ITGB2: variants seen among roughly 807,000 people sequenced by gnomAD.
The protein encoded by ITGB2 is integrin beta-2.
In ITGB2, 56 loss-of-function variants were observed where a neutral mutation model predicts 86.8. The observed-to-expected ratio is 0.65, with a 90% CI of 0.52 to 0.81. ITGB2 has a LOEUF of 0.81. ITGB2 is among the 30% of genes least tolerant of loss of function. The pLI is 0.00. For synonymous variants in ITGB2, 457 were observed against 450.4 expected (o/e 1.01, Z -0.19); for missense variants, 948 against 1,061.2 (o/e 0.89, Z 1.48).
intron 14 of ITGB2, among the ~76,000 whole-genome samples, chr21:44,887,860 G>A (rs1316136475): frequency 1.3e-5 from 2 of 152,188 alleles, no homozygotes; most frequent in East Asian, 3.9e-4. Context: ...AGAGACCCCC[G>A]CCGCCTGCCT....
chr21:44,900,490 T>G lies in ITGB2; in HGVS notation c.742-15A>C, dbSNP rs199665785. On this transcript the variant is annotated splice_polypyrimidine_tract_variant and intron_variant, in intron 6 of 15. Transcript: ENST00000652462. ...CCGATTTCCTCCTGAGAAGAAGGCG[T>G]GGGGGGCAGGGTTACCTGCCTCAGT... 4 of 1,613,158 alleles carry G rather than the reference T, an allele frequency of 2.5e-6. No homozygotes were observed.
intron 3 of ITGB2, among the ~76,000 whole-genome samples, chr21:44,907,793 G>T (rs912587007): frequency 6.6e-6 from 1 of 152,216 alleles, no homozygotes; most frequent in Non-Finnish European, 1.5e-5. Flanking sequence ...GCCCCCAGAG[G>T]CTGGTGAGTC....
intron 1 of ITGB2, among the ~76,000 whole-genome samples, chr21:44,913,101 A>G (rs1305795538): frequency 7.6e-6 from 1 of 131,848 alleles, no homozygotes; most frequent in Non-Finnish European, 1.6e-5. Flanking sequence ...GGACTCCCCC[A>G]GGGTGCAGGG....
chr21:44,891,456 G>A (rs2083784080), intron 11 of ITGB2, among the ~76,000 whole-genome samples: 1 of 152,220 alleles, frequency 6.6e-6, no homozygotes, highest in African/African-American at 2.4e-5. Context: ...CCCACTCAAG[G>A]CCATGGGCAC....
At chr21:44,905,024 C>T (rs762879260) in intron 4 of ITGB2, among the ~76,000 whole-genome samples, 7 of 152,230 alleles carry the variant, frequency 4.6e-5, no homozygotes, top group Non-Finnish European at 7.3e-5. Flanking sequence ...CTTTGGGGGC[C>T]GTGCGGCGTC....
chr21:44,890,323 C>T lies in ITGB2; in HGVS notation c.1413-101G>A. 2.7e-6 allele frequency: 4 copies of T among 1,468,824 alleles called. No individual in the cohort carries two copies. In the South Asian group the frequency reaches 4.6e-5, roughly 17 times the overall value. The allele number at this position is 1,468,824 out of a possible 1,614,324, so 91.0% of individuals were successfully genotyped here. On this transcript the variant is annotated intron_variant, in intron 11 of 15. Transcript: ENST00000652462. The stretch of plus-strand genomic sequence containing the variant: ...GCCCCTTGCCCTTGGTGGAGAACAC[C>T]CCTATGGCACATTTTGCTTTCCTCG...
chr21:44,902,872 G>A (rs941509590), intron 5 of ITGB2, among the ~76,000 whole-genome samples: 6 of 152,204 alleles, frequency 3.9e-5, no homozygotes, highest in Admixed American at 2.0e-4. Flanking sequence ...GCAGAGTGCC[G>A]ATGTGAGAAG....
rs372068940 is a variant in ITGB2, at chr21:44,906,423, G to A, written c.328+492C>T. Among the ~76,000 whole-genome samples, 4 of 152,208 alleles carry A rather than the reference G, an allele frequency of 2.6e-5. 1 individual carries two copies. Among genetic ancestry groups the A allele is most frequent in the Middle Eastern group, 6.8e-3 (2 of 294 alleles). ...GGCGTGAGCCACCGATAAGGAGGGC[G>A]TTTCTCAAAGCACTGACAGGGGACT... On this transcript the variant is annotated intron_variant, in intron 4 of 15. Transcript: ENST00000652462.
In ITGB2 at chr21:44,910,763, G is replaced by C. The variant is rs759479855; in HGVS notation, c.20C>G (p.Pro7Arg). The C allele has an allele frequency of 6.8e-6, 11 of 1,613,440 alleles. No individual in the cohort carries two copies. Among genetic ancestry groups the C allele is most frequent in the South Asian group, 6.6e-5 (6 of 90,964 alleles). Residue 7 changes from proline to arginine, a missense_variant, in exon 2 of 16, where the codon CCA becomes CGA. Transcript: ENST00000652462. Reference sequence around the variant, plus strand: ...GAGCAGCCCCACCAGGGCGAGCAGTGGGGGGCGCAGGCCCAGCATGTCCTG... The same window carrying C: ...GAGCAGCCCCACCAGGGCGAGCAGTCGGGGGCGCAGGCCCAGCATGTCCTG... MLGLRP[P>R]LLALVGLLSL...
intron 11 of ITGB2, among the ~76,000 whole-genome samples, chr21:44,890,724 C>A (rs534158795): frequency 7.2e-5 from 11 of 152,146 alleles, no homozygotes; most frequent in Non-Finnish European, 1.3e-4. Flanking sequence ...CAGGCAGGAG[C>A]CACACACACC....
chr21:44,925,248 C>T (rs1166433993), upstream of ITGB2, among the ~76,000 whole-genome samples: 4 of 151,546 alleles, frequency 2.6e-5, no homozygotes, highest in African/African-American at 4.9e-5. Flanking sequence ...TGCACAATTC[C>T]GTAAATTTTC....
chr21:44,927,428 T>G (rs2084386900), intron 1 of ITGB2, among the ~76,000 whole-genome samples: 3 of 152,022 alleles, frequency 2.0e-5, no homozygotes, highest in African/African-American at 4.8e-5. Flanking sequence ...AGAAAGTCCC[T>G]TCCTGCCTGG....
chr21:44,893,456 G>T lies in ITGB2; in HGVS notation c.1172C>A (p.Thr391Lys). ...GTCACCTCTGGGCTGGTTCCTGTGCGTCACTCCATTGCTGCAGAAGGAGTC... is the reference window on the plus strand; with the variant it reads ...GTCACCTCTGGGCTGGTTCCTGTGCTTCACTCCATTGCTGCAGAAGGAGTC... ...TYDSFCSNGV[T>K]HRNQPRGDCD... is the part of the protein sequence containing the mutation. The change falls in exon 10 of 16, where the codon ACG (threonine) becomes AAG (lysine). Residue 391 changes from threonine (T) to lysine (K), a missense_variant. Thr to Lys is a moderately conservative substitution (Grantham distance 78). Coordinates refer to ENST00000652462, the MANE Select transcript of ITGB2 (RefSeq NM_000211.5). The T allele has an allele frequency of 6.2e-7, 1 of 1,614,172 alleles. No individual in the cohort carries two copies. The highest frequency in any genetic ancestry group is 8.5e-7 in the Non-Finnish European group (1 of 1,180,008).
chr21:44,900,352 C>T lies in ITGB2; in HGVS notation c.865G>A (p.Glu289Lys), dbSNP rs746108729. 6.2e-7 allele frequency: 1 copy of T among 1,614,174 alleles called. No individual in the cohort carries two copies. The highest frequency in any genetic ancestry group is 8.5e-7 in the Non-Finnish European group (1 of 1,180,022). ...LTPNDGRCHL[E>K]DNLYKRSNEF... Reference sequence around the variant, plus strand: ...TTGCTCCTCTTGTACAAGTTGTCCTCCAGGTGACAGCGGCCGTCGTTGGGG... The same window carrying T: ...TTGCTCCTCTTGTACAAGTTGTCCTTCAGGTGACAGCGGCCGTCGTTGGGG... Residue 289 changes from glutamate (E) to lysine (K), a missense_variant, in exon 7 of 16, where the codon GAG becomes AAG. Glu to Lys is a moderately conservative substitution (Grantham distance 56). Transcript: ENST00000652462.
chr21:44,924,382 A>T (rs1452372241), upstream of ITGB2, among the ~76,000 whole-genome samples: 1 of 152,194 alleles, frequency 6.6e-6, no homozygotes, highest in Non-Finnish European at 1.5e-5. Flanking sequence ...GTGAGCCGAG[A>T]TTGTGCCACT....
chr21:44,896,953 G>C (rs1334486023), intron 8 of ITGB2, among the ~76,000 whole-genome samples: 2 of 152,206 alleles, frequency 1.3e-5, no homozygotes, highest in Admixed American at 1.3e-4. Flanking sequence ...GTGAGGAGGG[G>C]ACCGTCATGG....
chr21:44,916,521 CAAT>C (rs1431765033), intron 1 of ITGB2, among the ~76,000 whole-genome samples: 1 of 152,060 alleles, frequency 6.6e-6, no homozygotes, highest in African/African-American at 2.4e-5. Context: ...GGGAATAAAA[CAAT>C]AAAGGAAATA....
chr21:44,909,179 G>C (rs1210054815), intron 3 of ITGB2: 1 of 152,286 alleles, frequency 6.6e-6, no homozygotes, highest in African/African-American at 2.4e-5. Context: ...GTGGCTGCGA[G>C]GGGATCATGC....
chr21:44,911,748 C>T (rs765120841), intron 1 of ITGB2, among the ~76,000 whole-genome samples: 1 of 152,188 alleles, frequency 6.6e-6, no homozygotes, highest in African/African-American at 2.4e-5. Context: ...CACAGGCCCT[C>T]GGCCCCAGAG....
Sources: allele counts gnomAD v4.1 joint callset (sites outside exome capture counted in the v4.1 genomes callset), GRCh38; gene constraint gnomAD v4.1.1; transcripts MANE v1.5; gene names NCBI Gene and HGNC (gene_info 2026-07-23, HGNC 2026-07-21).